Variants in NSG1 observed in about 807,000 individuals in gnomAD.
NSG1 encodes the protein neuronal vesicle trafficking associated 1, also known as neuronal vesicle trafficking-associated protein 1.
A neutral mutation model predicts 19.3 loss-of-function variants in NSG1; 9 were observed. The observed-to-expected ratio is 0.47, with a 90% CI of 0.28 to 0.81. The LOEUF is 0.81. NSG1 is among the 40% of genes least tolerant of loss of function. NSG1 has a pLI of 0.11. For missense variants in NSG1, 236 were observed against 242.4 expected, an observed-to-expected ratio of 0.97 and a Z score of 0.18; for synonymous variants, 104 against 107.0, an observed-to-expected ratio of 0.97 and a Z score of 0.17.
chr4:4,410,412 T>C, intron 4 of NSG1, among the ~76,000 whole-genome samples: 1 of 152,194 alleles, frequency 6.6e-6, no homozygotes, highest in African/African-American at 2.4e-5. Context: ...AACGCGTTGT[T>C]AGGCGACTCC....
chr4:4,405,236 C>T (rs576380743), intron 3 of NSG1, among the ~76,000 whole-genome samples: 5 of 152,316 alleles, frequency 3.3e-5, no homozygotes, highest in Admixed American at 2.0e-4. Flanking sequence ...CGTCCTCACG[C>T]GGCCCTCTCC....
intron 4 of NSG1, among the ~76,000 whole-genome samples, chr4:4,411,862 T>A (rs1178141955): frequency 2.0e-5 from 3 of 151,912 alleles, no homozygotes; most frequent in South Asian, 4.2e-4. Flanking sequence ...TTTTTTTTTT[T>A]AATAACTAGG....
At chr4:4,409,079 C>T (rs1724022828) in intron 3 of NSG1, among the ~76,000 whole-genome samples, 1 of 152,274 alleles carries the variant, frequency 6.6e-6, no homozygotes. Context: ...TGCAGAGGTT[C>T]TGTCTTTCCT....
intron 4 of NSG1, among the ~76,000 whole-genome samples, chr4:4,411,293 C>G (rs184619255): frequency 6.6e-6 from 1 of 152,194 alleles, no homozygotes; most frequent in African/African-American, 2.4e-5. Context: ...TTTTTTACTT[C>G]CAACACATTT....
chr4:4,412,021 T>C (rs902304899), intron 4 of NSG1, among the ~76,000 whole-genome samples: 1 of 152,202 alleles, frequency 6.6e-6, no homozygotes, highest in South Asian at 2.1e-4. Context: ...GGTGTGTGTA[T>C]ACCAGCACCT....
At chr4:4,397,211 G>A (rs1245683878) in intron 3 of NSG1, among the ~76,000 whole-genome samples, 2 of 148,950 alleles carry the variant, frequency 1.3e-5, no homozygotes, top group Non-Finnish European at 1.5e-5. Context: ...TTCTCCCTCC[G>A]CCTGAGGGTA....
chr4:4,416,655 G>T (rs139362148), intron 4 of NSG1, among the ~76,000 whole-genome samples: 267 of 152,156 alleles, frequency 1.8e-3, no homozygotes, highest in Non-Finnish European at 3.4e-3. Context: ...GTGCTGTCTC[G>T]CACTCCCCCA....
intron 3 of NSG1, among the ~76,000 whole-genome samples, chr4:4,395,302 A>G (rs1438588043): frequency 6.6e-6 from 1 of 152,132 alleles, no homozygotes; most frequent in Middle Eastern, 3.2e-3. Flanking sequence ...CGTTTTGACA[A>G]ATGCTTTCCA....
At position 4,409,751 on chromosome 4, in the gene NSG1, A is replaced by G. The variant is rs1724069904; in HGVS notation, c.357+68A>G. 5 of 1,273,356 alleles carry G rather than the reference A, an allele frequency of 3.9e-6. No individual in the cohort carries two copies. The African/African-American group carries it at 7.3e-5, about 19-fold the overall frequency. 78.9% of individuals were successfully genotyped at this position (1,273,356 alleles called of 1,614,324 possible). On this transcript the variant is annotated intron_variant, in intron 4 of 4. Coordinates refer to ENST00000621129, the MANE Select transcript of NSG1 (RefSeq NM_014392.5). ...ACCCCATGTTCTCTCCCTTGAACTC[A>G]AGGCTGCTCCTGCCGTCTCCCCCAG...
chr4:4,399,597 GTTTC>G (rs1482257265), intron 3 of NSG1, among the ~76,000 whole-genome samples: 1 of 152,136 alleles, frequency 6.6e-6, no homozygotes, highest in Non-Finnish European at 1.5e-5. Flanking sequence ...TTTCTTGCTA[GTTTC>G]TTTGATAAAC....
intron 3 of NSG1, among the ~76,000 whole-genome samples, chr4:4,398,305 G>A (rs149301276): frequency 6.6e-5 from 10 of 152,204 alleles, no homozygotes; most frequent in African/African-American, 1.7e-4. Flanking sequence ...AAAACTTACC[G>A]CTTTAAGGTA....
chr4:4,398,953 TTTTTA>T lies in NSG1; in HGVS notation c.246+7375_246+7379del, dbSNP rs543879753. Among the ~76,000 whole-genome samples, 313 of 152,326 alleles carry T rather than the reference TTTTTA, an allele frequency of 2.1e-3. 3 individuals are homozygous for T. The highest frequency in any genetic ancestry group is 9.8e-3 in the Admixed American group (150 of 15,310). ...CCACATCCTCACCAGCACTTGTTTG[TTTTTA>T]TTTTATTTTATTATAGCCATCCTAG... On this transcript the variant is annotated intron_variant, in intron 3 of 4. Coordinates refer to ENST00000621129, the MANE Select transcript of NSG1 (RefSeq NM_014392.5).
intron 3 of NSG1, among the ~76,000 whole-genome samples, chr4:4,406,929 C>A (rs1263988673): frequency 1.3e-5 from 2 of 152,220 alleles, no homozygotes; most frequent in Non-Finnish European, 2.9e-5. Context: ...CAGACGGCTG[C>A]GCCTTCTTTC....
chr4:4,405,477 G>A (rs564376085), intron 3 of NSG1, among the ~76,000 whole-genome samples: 189 of 152,306 alleles, frequency 1.2e-3, no homozygotes, highest in African/African-American at 4.3e-3. Context: ...TGTAAGGCAT[G>A]GTTCCCCCAC....
chr4:4,415,984 T>G, intron 4 of NSG1: 10 of 650,936 alleles, frequency 1.5e-5, no homozygotes, highest in African/African-American at 3.6e-5. Flanking sequence ...CTGGTGGGAC[T>G]GAGATCAAGA....
At chr4:4,411,070 G>A (rs781541416) in intron 4 of NSG1, among the ~76,000 whole-genome samples, 10 of 152,028 alleles carry the variant, frequency 6.6e-5, no homozygotes, top group Admixed American at 1.3e-4. Context: ...TGGCTAGGCC[G>A]GTCTCGAACT....
At chr4:4,391,039 TACC>T (rs904648634) in intron 2 of NSG1, among the ~76,000 whole-genome samples, 9 of 151,472 alleles carry the variant, frequency 5.9e-5, no homozygotes, top group African/African-American at 9.8e-5. Flanking sequence ...CTGTGGACAG[TACC>T]CTCAGACCTC....
intron 4 of NSG1, chr4:4,415,932 T>C: frequency 3.3e-6 from 2 of 604,290 alleles, no homozygotes; most frequent in South Asian, 2.0e-5. Flanking sequence ...CTGGTCTGAA[T>C]GGGCTGTTTG....
At chr4:4,390,899 C>G (rs969289404) in intron 2 of NSG1, among the ~76,000 whole-genome samples, 1 of 146,640 alleles carries the variant, frequency 6.8e-6, no homozygotes, top group African/African-American at 2.6e-5. Context: ...GGAATGAGAG[C>G]AGGGAGACCC....
Sources: allele counts gnomAD v4.1 joint callset (sites outside exome capture counted in the v4.1 genomes callset), GRCh38; gene constraint gnomAD v4.1.1; transcripts MANE v1.5; gene names NCBI Gene and HGNC (gene_info 2026-07-23, HGNC 2026-07-21).